The following TFCP2L1 variants were observed in gnomAD, a reference collection of about 807,000 sequenced individuals.
The protein encoded by TFCP2L1 is transcription factor CP2 like 1.
A neutral mutation model predicts 72.2 loss-of-function variants in TFCP2L1; 12 were observed. That is an observed-to-expected ratio of 0.17 (90% CI 0.11 to 0.27). TFCP2L1 has a LOEUF of 0.27. TFCP2L1 is among the 10% of genes least tolerant of loss of function. TFCP2L1 has a pLI of 1.00. For synonymous variants in TFCP2L1, 260 were observed against 251.0 expected (o/e 1.04, Z -0.34); for missense variants, 488 against 624.6 (o/e 0.78, Z 2.33).
Position 121,248,349 on chromosome 2 carries a change from T to C in TFCP2L1, c.398-79A>G, listed in dbSNP as rs986418310. 67 of 1,184,890 alleles carry C rather than the reference T, an allele frequency of 5.7e-5. No homozygotes were observed. The African/African-American group carries it at 1.0e-3, about 18-fold the overall frequency. The allele number at this position is 1,184,890 out of a possible 1,614,324, so 73.4% of individuals were successfully genotyped here. ...TTTAGGGAAAGACCCCTGTTACAGGTCCCAATTCCTTCGCCCCAATTTGCA... is the reference window on the plus strand; with the variant it reads ...TTTAGGGAAAGACCCCTGTTACAGGCCCCAATTCCTTCGCCCCAATTTGCA... On this transcript the variant is annotated intron_variant, in intron 4 of 14. Transcript: ENST00000263707.
chr2:121,230,547 A>C lies in TFCP2L1; in HGVS notation c.1341+1279T>G, dbSNP rs907144927. Among the ~76,000 whole-genome samples, 15 of 152,254 alleles carry C rather than the reference A, an allele frequency of 9.9e-5. 1 individual carries two copies. In the South Asian group the frequency reaches 3.1e-3, roughly 32 times the overall value. On this transcript the variant is annotated intron_variant, in intron 13 of 14. Coordinates refer to ENST00000263707, the MANE Select transcript of TFCP2L1 (RefSeq NM_014553.3). Reference sequence around the variant, plus strand: ...TGTAATCCCAGCACTTTGGAAGGCCAAGGTGGGTGGATCACTTGAGCCCAG... The same window carrying C: ...TGTAATCCCAGCACTTTGGAAGGCCCAGGTGGGTGGATCACTTGAGCCCAG...
chr2:121,253,526 C>T (rs1156979908), intron 2 of TFCP2L1, among the ~76,000 whole-genome samples: 1 of 152,268 alleles, frequency 6.6e-6, no homozygotes. Flanking sequence ...ATGCTGACAG[C>T]GGCCCTAGCA....
rs1274165162 is a variant in TFCP2L1 at position 121,222,279 on chromosome 2, A to G, written c.*2062T>C. ...AGTTAAAACACGGAGTTACTGTAAGACCTAGCAATTCCACTCCTATGTATA... is the reference window on the plus strand; with the variant it reads ...AGTTAAAACACGGAGTTACTGTAAGGCCTAGCAATTCCACTCCTATGTATA... On this transcript the variant is annotated 3_prime_UTR_variant, in exon 15 of 15. Coordinates refer to ENST00000263707, the MANE Select transcript of TFCP2L1 (RefSeq NM_014553.3). 6.6e-6 allele frequency: 1 copy of G among 152,186 alleles called. No individual in the cohort carries two copies. The allele number at this position is 152,186 out of a possible 1,614,324, so 9.4% of individuals were successfully genotyped here. A position where few individuals can be genotyped will look rare whatever the true frequency, so the allele number is the denominator to read the frequency against.
At chr2:121,234,954 G>A (rs1025605783) in intron 11 of TFCP2L1, among the ~76,000 whole-genome samples, 3 of 152,246 alleles carry the variant, frequency 2.0e-5, no homozygotes, top group Non-Finnish European at 4.4e-5. Flanking sequence ...AGATCCAGAG[G>A]CCAAGGCTCT....
In TFCP2L1 at chr2:121,237,914, G is replaced by A. The variant is rs181369112; in HGVS notation, c.861-64C>T. On this transcript the variant is annotated intron_variant, in intron 8 of 14. Coordinates refer to ENST00000263707, the MANE Select transcript of TFCP2L1 (RefSeq NM_014553.3). ...CTCCCAGGGCAATGGCCACGGTCCC[G>A]GCACCCAGCCTGGCACTTTTACTTC... is the stretch of plus-strand genomic sequence containing the variant. The A allele has an allele frequency of 3.4e-5, 53 of 1,567,584 alleles. No homozygotes were observed. The East Asian group carries it at 6.8e-4, about 20-fold the overall frequency.
chr2:121,258,756 G>A (rs60224681), intron 2 of TFCP2L1, among the ~76,000 whole-genome samples: 25,269 of 152,084 alleles, frequency 0.17, 2,422 homozygotes, highest in South Asian at 0.3. Flanking sequence ...TGAACACAAC[G>A]TCCAGTCCTG....
intron 12 of TFCP2L1, 139 bp downstream of exon 12, chr2:121,233,952 C>T (rs1686193936): frequency 1.7e-5 from 13 of 751,834 alleles, no homozygotes; most frequent in Admixed American, 4.4e-5. Context: ...CACTAGGCTG[C>T]CCTTTCCACG....
At position 121,240,765 on chromosome 2, in the gene TFCP2L1, G is replaced by A. The variant is rs181865581; in HGVS notation, c.769-1116C>T. 2.3e-3 allele frequency: 2,228 copies of A among 980,630 alleles called. 1 individual carries two copies. Among genetic ancestry groups the A allele is most frequent in the Non-Finnish European group, 2.6e-3 (2,136 of 825,580 alleles). The allele number at this position is 980,630 out of a possible 1,614,324, so 60.7% of individuals were successfully genotyped here. On this transcript the variant is annotated intron_variant, in intron 7 of 14. Coordinates refer to ENST00000263707, the MANE Select transcript of TFCP2L1 (RefSeq NM_014553.3). Reference sequence around the variant, plus strand: ...ACCAGCACAGGCATGAACCAGGTACGGGAAGAAACTGGTCTGGCCTCTAAT... The same window carrying A: ...ACCAGCACAGGCATGAACCAGGTACAGGAAGAAACTGGTCTGGCCTCTAAT...
At chr2:121,263,745 T>C (rs1201573132) in intron 2 of TFCP2L1, among the ~76,000 whole-genome samples, 1 of 152,202 alleles carries the variant, frequency 6.6e-6, no homozygotes, top group Non-Finnish European at 1.5e-5. Context: ...GCCATTTGTG[T>C]GTGTGTGTTT....
chr2:121,232,765 C>T (rs1686170409), intron 12 of TFCP2L1, among the ~76,000 whole-genome samples: 2 of 152,090 alleles, frequency 1.3e-5, no homozygotes, highest in Non-Finnish European at 2.9e-5. Flanking sequence ...AACACAGTAA[C>T]CCTAAGGAGA....
chr2:121,241,204 G>A (rs1288913596), intron 7 of TFCP2L1, among the ~76,000 whole-genome samples: 1 of 152,238 alleles, frequency 6.6e-6, no homozygotes, highest in African/African-American at 2.4e-5. Context: ...CTCGTAAAGG[G>A]AAGAGGAGGT....
At position 121,285,063 on chromosome 2, in the gene TFCP2L1, G is replaced by T. The variant is rs1160285845; in HGVS notation, c.47C>A (p.Ser16Tyr). Residue 16 changes from serine to tyrosine, a missense_variant, in exon 1 of 15, where the codon TCC (serine) becomes TAC (tyrosine). Ser to Tyr is a moderately radical substitution (Grantham distance 144). Around this residue, in one of 3 missense-constraint regions of TFCP2L1, gnomAD observed 73 missense variants for 59.7 expected, o/e 1.22. Coordinates refer to ENST00000263707, the MANE Select transcript of TFCP2L1 (RefSeq NM_014553.3). ...TQPEHYNQHN[S>Y]GSYLRDVLAL... is the part of the protein sequence containing the mutation. ...CGGCCCTTACCGCAGGTAGCTGCCGGAGTTGTGCTGGTTGTAGTGCTCGGG... is the reference window on the plus strand; with the variant it reads ...CGGCCCTTACCGCAGGTAGCTGCCGTAGTTGTGCTGGTTGTAGTGCTCGGG... 5 of 1,519,866 alleles carry T rather than the reference G, an allele frequency of 3.3e-6. No individual in the cohort carries two copies. The South Asian group carries it at 6.2e-5, about 19-fold the overall frequency. The allele number at this position is 1,519,866 out of a possible 1,614,324, so 94.1% of individuals were successfully genotyped here. A position where few individuals can be genotyped will look rare whatever the true frequency, so the allele number is the denominator to read the frequency against.
Position 121,264,789 on chromosome 2 carries a change from T to C in TFCP2L1, c.215-15142A>G, listed in dbSNP as rs534070019. The stretch of plus-strand genomic sequence containing the variant: ...GGCTGGCAGATGGCTGCCAGTCTGT[T>C]ACCCATACCCTCTCCATCATAAAGA... On this transcript the variant is annotated intron_variant, in intron 2 of 14. Coordinates refer to ENST00000263707, the MANE Select transcript of TFCP2L1 (RefSeq NM_014553.3). Among the ~76,000 whole-genome samples the C allele has an allele frequency of 5.9e-5, 9 of 152,354 alleles. No homozygotes were observed. In the East Asian group the frequency reaches 1.5e-3, roughly 26 times the overall value.
At chr2:121,257,922 G>C (rs1369567217) in intron 2 of TFCP2L1, among the ~76,000 whole-genome samples, 4 of 152,040 alleles carry the variant, frequency 2.6e-5, no homozygotes, top group Admixed American at 6.6e-5. Flanking sequence ...ACAACGGAAA[G>C]CTCTGAGAAC....
intron 2 of TFCP2L1, among the ~76,000 whole-genome samples, chr2:121,273,025 GC>G (rs1687076920): frequency 6.6e-6 from 1 of 152,120 alleles, no homozygotes; most frequent in Non-Finnish European, 1.5e-5. Flanking sequence ...AGTGTGTTCA[GC>G]TGCACCCCCA....
intron 1 of TFCP2L1, among the ~76,000 whole-genome samples, chr2:121,283,892 C>A (rs1687312334): frequency 6.6e-6 from 1 of 152,236 alleles, no homozygotes; most frequent in Admixed American, 6.5e-5. Flanking sequence ...GGTGACATCA[C>A]CGTGGTCTGC....
chr2:121,253,949 C>T (rs1277882556), intron 2 of TFCP2L1, among the ~76,000 whole-genome samples: 1 of 152,164 alleles, frequency 6.6e-6, no homozygotes, highest in Non-Finnish European at 1.5e-5. Context: ...CACAACAGCA[C>T]CATCCCAAAA....
At chr2:121,282,906 G>A (rs1000841587) in intron 1 of TFCP2L1, among the ~76,000 whole-genome samples, 16 of 152,148 alleles carry the variant, frequency 1.1e-4, no homozygotes, top group Non-Finnish European at 2.2e-4. Flanking sequence ...TGGAAAACCT[G>A]CCCTGTGTGG....
At position 121,218,844 on chromosome 2, in the gene TFCP2L1, G is replaced by A. The variant is rs1013146890; in HGVS notation, c.*5497C>T. On this transcript the variant is annotated 3_prime_UTR_variant, in exon 15 of 15. Transcript: ENST00000263707. ...ATTGGGGGAGGGAGGAAAGCCAGGA[G>A]GAGCTTTTGCAGAAAGGTCTGGAAG... is the stretch of plus-strand genomic sequence containing the variant. The A allele has an allele frequency of 2.0e-5, 3 of 152,442 alleles. No homozygotes were observed. Among genetic ancestry groups the A allele is most frequent in the East Asian group, 1.9e-4 (1 of 5,182 alleles). The allele number at this position is 152,442 out of a possible 1,614,324, so 9.4% of individuals were successfully genotyped here.
Sources: allele counts gnomAD v4.1 joint callset (sites outside exome capture counted in the v4.1 genomes callset), GRCh38; gene constraint gnomAD v4.1.1; regional missense constraint gnomAD v4.1.1; transcripts MANE v1.5; gene names NCBI Gene and HGNC (gene_info 2026-07-23, HGNC 2026-07-21).